Variants in FRY observed in about 807,000 individuals in gnomAD.
The protein encoded by FRY is FRY microtubule binding protein, also known as protein furry homolog.
Under a neutral mutation model 348.4 loss-of-function variants are expected in FRY, and 128 were observed. The ratio of observed to expected loss-of-function variants is 0.37; its 90% CI spans 0.32 to 0.43. The LOEUF is 0.43. Ranked by LOEUF, FRY falls within the 20% of genes least tolerant of loss-of-function variation. The pLI, the probability that FRY is intolerant of heterozygous loss-of-function variation, is 1.00. For missense variants in FRY, 2,736 were observed against 3,695.2 expected (o/e 0.74, Z 6.73); for synonymous variants, 1,370 against 1,374.7 (o/e 1.00, Z 0.08).
chr13:32,196,889 G>A (rs1331271942), intron 29 of FRY, among the ~76,000 whole-genome samples: 1 of 152,110 alleles, frequency 6.6e-6, no homozygotes, highest in Non-Finnish European at 1.5e-5. Context: ...TTTGGCTTCT[G>A]TGTGTGTCCT....
At chr13:32,289,083 C>A (rs1031134950) in intron 58 of FRY, among the ~76,000 whole-genome samples, 1 of 152,104 alleles carries the variant, frequency 6.6e-6, no homozygotes, top group East Asian at 1.9e-4. Context: ...TTAATAATTT[C>A]TTTTTTTCTA....
At chr13:32,197,519 C>G (rs1214347379) in intron 29 of FRY, among the ~76,000 whole-genome samples, 2 of 152,170 alleles carry the variant, frequency 1.3e-5, no homozygotes, top group South Asian at 4.1e-4. Flanking sequence ...CAAATCCTCA[C>G]TCCACCTCTA....
chr13:32,141,350 T>C (rs539044456), intron 11 of FRY, among the ~76,000 whole-genome samples: 2 of 152,230 alleles, frequency 1.3e-5, no homozygotes, highest in South Asian at 2.1e-4. Context: ...AAAAGAAATG[T>C]CAAAAAGATG....
chr13:32,259,974 CAT>C (rs1887546140), intron 51 of FRY, among the ~76,000 whole-genome samples: 1 of 152,074 alleles, frequency 6.6e-6, no homozygotes, highest in East Asian at 1.9e-4. Context: ...TCATAAATAT[CAT>C]ATGTGAGGAT....
rs371339170 is a variant in FRY, at chr13:32,224,209, G to A, written c.4766-26G>A. The A allele has an allele frequency of 1.7e-5, 27 of 1,609,056 alleles. No homozygotes were observed. The African/African-American group carries it at 2.0e-4, about 12-fold the overall frequency. On this transcript the variant is annotated intron_variant, in intron 36 of 60. Coordinates refer to ENST00000542859, the MANE Select transcript of FRY (RefSeq NM_023037.3). ...CAAGTCTCCTCTCCCTGAAAATAAA[G>A]CACAGTTGTCTTTCTCACCCTCCAG...
At chr13:32,156,525 C>T (rs554407112) in intron 15 of FRY, among the ~76,000 whole-genome samples, 26 of 148,942 alleles carry the variant, frequency 1.7e-4, no homozygotes, top group Non-Finnish European at 3.2e-4. Flanking sequence ...CACTTGAACC[C>T]AGGAGACGGA....
At chr13:32,262,537 C>T (rs943887326) in intron 53 of FRY, 62 bp downstream of exon 53, 1 of 1,299,250 alleles carries the variant, frequency 7.7e-7, no homozygotes, top group East Asian at 2.3e-5. Flanking sequence ...AAAAACACTT[C>T]CAATTTTCTG....
Position 32,237,546 on chromosome 13 carries a change from G to A in FRY, c.5978G>A (p.Arg1993Gln), listed in dbSNP as rs749551667. 6.8e-6 allele frequency: 11 copies of A among 1,613,914 alleles called. No homozygotes were observed. The highest frequency in any genetic ancestry group is 1.6e-4 in the Middle Eastern group (1 of 6,084). ...CCCAAGAAGTTTGGTGTCATCGACC[G>A]ATCCTCTGACCCACCTCGAAGTGCC... ...SVPKKFGVID[R>Q]SSDPPRSATL... The change falls in exon 44 of 61, where the codon CGA becomes CAA. Residue 1993 changes from arginine to glutamine, a missense_variant. Around this residue, in one of 9 missense-constraint regions of FRY, gnomAD observed 12 missense variants for 38.6 expected, o/e 0.31. Coordinates refer to ENST00000542859, the MANE Select transcript of FRY (RefSeq NM_023037.3). The surrounding 1 kb of genome is among the most constrained non-coding windows in gnomAD (Gnocchi z 6.3).
intron 29 of FRY, 126 bp from the exon 30 acceptor site, chr13:32,201,815 C>A: frequency 1.4e-6 from 1 of 692,022 alleles, no homozygotes; most frequent in Middle Eastern, 3.2e-4. Flanking sequence ...AATGGCCAGA[C>A]GGGGGTAAGA....
At chr13:32,077,941 G>A (rs919486333) in intron 1 of FRY, among the ~76,000 whole-genome samples, 1 of 152,084 alleles carries the variant, frequency 6.6e-6, no homozygotes, top group African/African-American at 2.4e-5. Context: ...TTGCTCTTAC[G>A]TTTCTTTCAT....
intron 27 of FRY, among the ~76,000 whole-genome samples, chr13:32,186,964 C>T (rs1883062051): frequency 6.6e-6 from 1 of 152,108 alleles, no homozygotes; most frequent in Non-Finnish European, 1.5e-5. Context: ...GTCAGTTGGA[C>T]CTGCCAATTG....
intron 17 of FRY, among the ~76,000 whole-genome samples, chr13:32,163,421 A>T (rs798972): frequency 0.58 from 88,774 of 152,006 alleles, 26,551 homozygotes; most frequent in East Asian, 0.72. Flanking sequence ...TCCTTTTCCC[A>T]TGGTAAAATT....
chr13:32,268,496 AAAAAAAAAAATATATATATATATAT>A (rs1209245224), intron 55 of FRY, among the ~76,000 whole-genome samples: 3 of 19,630 alleles, frequency 1.5e-4, no homozygotes, highest in African/African-American at 3.5e-4. Flanking sequence ...TAAAAAAAAA[AAAAAAAAAAATATATATATATATAT>A]ATATATATAT....
chr13:32,266,801 T>C (rs1887947937), intron 54 of FRY, among the ~76,000 whole-genome samples: 1 of 152,114 alleles, frequency 6.6e-6, no homozygotes, highest in African/African-American at 2.4e-5. Flanking sequence ...CTGGCCAACA[T>C]GGTGAAATAC....
intron 3 of FRY, among the ~76,000 whole-genome samples, chr13:32,110,799 A>T (rs1877903402): frequency 6.6e-6 from 1 of 152,208 alleles, no homozygotes; most frequent in Non-Finnish European, 1.5e-5. Context: ...GTATTATTTC[A>T]ACTTTTAAAA....
At chr13:32,097,925 T>C (rs79812460) in intron 2 of FRY, among the ~76,000 whole-genome samples, 3,876 of 152,080 alleles carry the variant, frequency 0.025, 67 homozygotes, top group Non-Finnish European at 0.038. Flanking sequence ...ATGTATATTT[T>C]ACCACAATAA....
At chr13:32,052,652 C>T (rs78855789) in intron 1 of FRY, among the ~76,000 whole-genome samples, 2,736 of 152,014 alleles carry the variant, frequency 0.018, 51 homozygotes, top group African/African-American at 0.048. Context: ...AATTTGAATA[C>T]CAAATTTATC....
In FRY at chr13:32,202,583, T is replaced by A. The variant is rs1884095623; in HGVS notation, c.4018+56T>A. ...TGATCATTTCTAATAATGACGTATG[T>A]GATCATTTCTAATAATGACATGTGA... is the stretch of plus-strand genomic sequence containing the variant. On this transcript the variant is annotated intron_variant, in intron 31 of 60. Coordinates refer to ENST00000542859, the MANE Select transcript of FRY (RefSeq NM_023037.3). 5 of 1,315,994 alleles carry A rather than the reference T, an allele frequency of 3.8e-6. No homozygotes were observed. The African/African-American group carries it at 7.2e-5, about 19-fold the overall frequency. The allele number at this position is 1,315,994 out of a possible 1,614,324, so 81.5% of individuals were successfully genotyped here.
At chr13:32,182,697 T>A in intron 23 of FRY, among the ~76,000 whole-genome samples, 1 of 152,222 alleles carries the variant, frequency 6.6e-6, no homozygotes, top group East Asian at 1.9e-4. Context: ...TTTTTTGCCA[T>A]AGAGATCTCC....
Sources: allele counts gnomAD v4.1 joint callset (sites outside exome capture counted in the v4.1 genomes callset), GRCh38; gene constraint gnomAD v4.1.1; regional missense constraint gnomAD v4.1.1; non-coding constraint Gnocchi (gnomAD v3.1); transcripts MANE v1.5; gene names NCBI Gene and HGNC (gene_info 2026-07-23, HGNC 2026-07-21).